The following ITGA6 variants were observed in gnomAD, a reference collection of about 807,000 sequenced individuals.
The protein encoded by ITGA6 is integrin alpha-6.
A neutral mutation model predicts 133.6 loss-of-function variants in ITGA6; 63 were observed. The observed-to-expected ratio is 0.47, with a 90% CI of 0.38 to 0.58. The LOEUF (loss-of-function observed/expected upper bound fraction) is 0.58, where lower values mean the gene tolerates loss of function less well. Ranked by LOEUF, ITGA6 falls within the 20% of genes least tolerant of loss-of-function variation. The pLI, the probability that ITGA6 is intolerant of heterozygous loss-of-function variation, is 0.00. For missense variants in ITGA6, 1,068 were observed against 1,309.4 expected (o/e 0.82, Z 2.85); for synonymous variants, 434 against 482.0 (o/e 0.90, Z 1.30).
At chr2:172,494,939 G>A (rs1687069652) in intron 23 of ITGA6, among the ~76,000 whole-genome samples, 1 of 152,106 alleles carries the variant, frequency 6.6e-6, no homozygotes, top group South Asian at 2.1e-4. Flanking sequence ...TTCCCTTTTG[G>A]CTCTAAATTC....
chr2:172,443,700 G>C (rs1052961691), intron 1 of ITGA6, among the ~76,000 whole-genome samples: 22 of 152,240 alleles, frequency 1.4e-4, no homozygotes, highest in African/African-American at 5.1e-4. Flanking sequence ...AGAATGGCTT[G>C]TTGGAATGTG....
chr2:172,506,117 T>C lies in ITGA6; in HGVS notation c.*2049T>C, dbSNP rs935239533. The C allele has an allele frequency of 6.6e-5, 10 of 152,654 alleles. No individual in the cohort carries two copies. The highest frequency in any genetic ancestry group is 2.2e-4 in the African/African-American group (9 of 41,460). The allele number at this position is 152,654 out of a possible 1,614,324, so 9.5% of individuals were successfully genotyped here. On this transcript the variant is annotated 3_prime_UTR_variant, in exon 26 of 26. Transcript: ENST00000684293. ...TGATACATTTTTGTACTAACTAGCA[T>C]TGTAAAATTATTTCATGATTAGAAA...
At chr2:172,478,852 TG>T (rs1686296439) in intron 9 of ITGA6, among the ~76,000 whole-genome samples, 1 of 152,196 alleles carries the variant, frequency 6.6e-6, no homozygotes, top group African/African-American at 2.4e-5. Flanking sequence ...GTTTGTACAA[TG>T]GAGACTCCCA....
At chr2:172,469,712 T>C (rs1685836352) in intron 4 of ITGA6, among the ~76,000 whole-genome samples, 3 of 152,188 alleles carry the variant, frequency 2.0e-5, no homozygotes. Context: ...TTTAAGTTAG[T>C]GATCTGAAAA....
intron 11 of ITGA6, among the ~76,000 whole-genome samples, chr2:172,480,274 T>A (rs1324120442): frequency 6.6e-6 from 1 of 152,142 alleles, no homozygotes; most frequent in Non-Finnish European, 1.5e-5. Context: ...CCAGAGCAGA[T>A]GGTTTAGGAC....
intron 9 of ITGA6, among the ~76,000 whole-genome samples, chr2:172,478,677 G>A (rs931922845): frequency 2.0e-5 from 3 of 152,200 alleles, no homozygotes; most frequent in East Asian, 1.9e-4. Context: ...AAGTGTTTGC[G>A]GGGTTGCAGT....
Position 172,479,750 on chromosome 2 carries a change from C to T in ITGA6, c.1487+11C>T, listed in dbSNP as rs762895767. The T allele has an allele frequency of 6.2e-7, 1 of 1,609,914 alleles. No individual in the cohort carries two copies. The highest frequency in any genetic ancestry group is 1.1e-5 in the South Asian group (1 of 90,962). Reference sequence around the variant, plus strand: ...GCCTAGTGGGATATGGTGAGCATCCCTCTGTCTTGGTGGGATCCCCCTCAG... The same window carrying T: ...GCCTAGTGGGATATGGTGAGCATCCTTCTGTCTTGGTGGGATCCCCCTCAG... On this transcript the variant is annotated intron_variant, in intron 10 of 25. Transcript: ENST00000684293.
intron 7 of ITGA6, 51 bp from the exon 8 acceptor site, chr2:172,475,546 G>C (rs1686136554): frequency 1.1e-6 from 1 of 945,590 alleles, no homozygotes; most frequent in Non-Finnish European, 1.8e-6. Flanking sequence ...CATTTTACTA[G>C]AGTGTTTCTA....
chr2:172,471,161 A>G lies in ITGA6; in HGVS notation c.775+56A>G. The G allele has an allele frequency of 4.4e-6, 7 of 1,608,104 alleles. No homozygotes were observed. The South Asian group carries it at 6.6e-5, about 15-fold the overall frequency. On this transcript the variant is annotated intron_variant, in intron 5 of 25. Coordinates refer to ENST00000684293, the MANE Select transcript of ITGA6 (RefSeq NM_000210.4). The stretch of plus-strand genomic sequence containing the variant: ...CCACCTTCTCAGATACCTTGTGTGA[A>G]ACTCCCTCGCAGGGCCTATGGCCCC...
Position 172,501,884 on chromosome 2 carries a change from G to T in ITGA6, c.*5G>T. The T allele has an allele frequency of 1.2e-6, 2 of 1,611,968 alleles. No individual in the cohort carries two copies. Among genetic ancestry groups the T allele is most frequent in the South Asian group, 2.2e-5 (2 of 90,870 alleles). The stretch of plus-strand genomic sequence containing the variant: ...AGGCTTACTTCTGATGCATAGTATT[G>T]ATCTACTTCTGTAATTGGTAATTGA... On this transcript the variant is annotated 3_prime_UTR_variant, in exon 25 of 26. Transcript: ENST00000684293.
chr2:172,438,338 G>A (rs80129407), intron 1 of ITGA6, among the ~76,000 whole-genome samples: 1 of 151,660 alleles, frequency 6.6e-6, no homozygotes, highest in South Asian at 2.1e-4. Context: ...AAGAAAGGTC[G>A]GATGAGGGGC....
At chr2:172,451,389 C>T (rs1333965747) in intron 1 of ITGA6, among the ~76,000 whole-genome samples, 2 of 150,152 alleles carry the variant, frequency 1.3e-5, no homozygotes, top group Non-Finnish European at 3.0e-5. Context: ...CACTTGATCC[C>T]AGGAGGCAGA....
At chr2:172,471,166 C>T in intron 5 of ITGA6, 61 bp downstream of exon 5, 1 of 1,593,432 alleles carries the variant, frequency 6.3e-7, no homozygotes, top group Non-Finnish European at 8.6e-7. Context: ...TGTGAAACTC[C>T]CTCGCAGGGC....
intron 3 of ITGA6, 109 bp from the exon 4 acceptor site, chr2:172,469,016 A>G (rs1343312611): frequency 1.7e-6 from 2 of 1,205,850 alleles, no homozygotes; most frequent in Non-Finnish European, 2.4e-6. Context: ...GACATGCTTA[A>G]TCATCCTCTT....
rs1559137278 is a variant in ITGA6 at position 172,470,987 on chromosome 2, A to AGAGC, written c.658_661dup (p.Gln221ArgfsTer5). On this transcript the variant is annotated frameshift_variant, in exon 5 of 26. Coordinates refer to ENST00000684293, the MANE Select transcript of ITGA6 (RefSeq NM_000210.4). LOFTEE classifies it high-confidence loss of function. ...TCATTCCTTTAGGGATTGTTCGTGT[A>AGAGC]GAGCAAAAGAATAACACTTTTTTTG... 6.2e-7 allele frequency: 1 copy of AGAGC among 1,614,010 alleles called. No homozygotes were observed. Among genetic ancestry groups the AGAGC allele is most frequent in the Non-Finnish European group, 8.5e-7 (1 of 1,179,884 alleles).
At chr2:172,440,791 T>C (rs1193252717) in intron 1 of ITGA6, among the ~76,000 whole-genome samples, 1 of 152,228 alleles carries the variant, frequency 6.6e-6, no homozygotes, top group East Asian at 1.9e-4. Flanking sequence ...TTGCAACTAA[T>C]AAAATGCCTG....
chr2:172,469,470 G>C (rs1685824501), intron 4 of ITGA6, 90 bp downstream of exon 4: 6 of 1,110,688 alleles, frequency 5.4e-6, no homozygotes, highest in African/African-American at 3.3e-5. Context: ...TGTGTTAGAA[G>C]ACATTCGTAT....
intron 24 of ITGA6, among the ~76,000 whole-genome samples, chr2:172,500,822 T>TGGAA (rs1307763939): frequency 1.3e-5 from 2 of 152,214 alleles, no homozygotes; most frequent in African/African-American, 2.4e-5. Context: ...GTTAGGCACG[T>TGGAA]GGAATATGGC....
At chr2:172,479,789 C>G in intron 10 of ITGA6, 50 bp downstream of exon 10, 2 of 1,489,346 alleles carry the variant, frequency 1.3e-6, no homozygotes. Context: ...CCCACCTCCA[C>G]TTCATGATGA....
Sources: allele counts gnomAD v4.1 joint callset (sites outside exome capture counted in the v4.1 genomes callset), GRCh38; gene constraint gnomAD v4.1.1; transcripts MANE v1.5; gene names NCBI Gene and HGNC (gene_info 2026-07-23, HGNC 2026-07-21).